The following DPY19L1 variants were observed in gnomAD, a reference collection of about 807,000 sequenced individuals.
The protein encoded by DPY19L1 is protein C-mannosyl-transferase DPY19L1.
In DPY19L1, 35 loss-of-function variants were observed where a neutral mutation model predicts 96.9. The ratio of observed to expected loss-of-function variants is 0.36; its 90% CI spans 0.28 to 0.48. The LOEUF (loss-of-function observed/expected upper bound fraction) is 0.48, where lower values mean the gene tolerates loss of function less well. DPY19L1 is among the 20% of genes least tolerant of loss of function. The pLI is 0.99. For missense variants in DPY19L1, 521 were observed against 777.9 expected (o/e 0.67, Z 3.93); for synonymous variants, 205 against 252.6 (o/e 0.81, Z 1.79).
Position 34,957,120 on chromosome 7 carries a change from C to T in DPY19L1, c.1179+864G>A, listed in dbSNP as rs566995463. ...CCTGCCAGCCGGGCATGGTGGCTCA[C>T]GCCTGTAATCCCAGCACTTTGGGAG... On this transcript the variant is annotated intron_variant, in intron 11 of 21. Coordinates refer to ENST00000638088, the MANE Select transcript of DPY19L1 (RefSeq NM_001366673.1). Among the ~76,000 whole-genome samples the T allele has an allele frequency of 9.9e-5, 15 of 151,072 alleles. No individual in the cohort carries two copies. In the South Asian group the frequency reaches 2.5e-3, roughly 25 times the overall value.
In DPY19L1 at chr7:34,929,474, A is replaced by G. The variant is rs1783705024; in HGVS notation, c.*2099T>C. ...GTTCCCAGCAAATGAAGCAGTTATAATAGTATTTTTAATGCTTTTTTCCTA... is the reference window on the plus strand; with the variant it reads ...GTTCCCAGCAAATGAAGCAGTTATAGTAGTATTTTTAATGCTTTTTTCCTA... On this transcript the variant is annotated 3_prime_UTR_variant, in exon 22 of 22. Transcript: ENST00000638088. 6.6e-6 allele frequency: 1 copy of G among 152,216 alleles called. No individual in the cohort carries two copies. The allele number at this position is 152,216 out of a possible 1,614,324, so 9.4% of individuals were successfully genotyped here. A position where few individuals can be genotyped will look rare whatever the true frequency, so the allele number is the denominator to read the frequency against.
At chr7:34,992,492 T>A (rs983854218) in intron 6 of DPY19L1, among the ~76,000 whole-genome samples, 12 of 152,036 alleles carry the variant, frequency 7.9e-5, no homozygotes, top group Admixed American at 3.9e-4. Flanking sequence ...TTTTTCCTGT[T>A]CAGTACAATG....
At position 35,037,260 on chromosome 7, in the gene DPY19L1, C is replaced by G. The variant is rs1786449271; in HGVS notation, c.135G>C (p.Leu45=). 1 of 301,848 alleles carries G rather than the reference C, an allele frequency of 3.3e-6. No individual in the cohort carries two copies. Among genetic ancestry groups the G allele is most frequent in the Admixed American group, 5.2e-5 (1 of 19,294 alleles). 18.7% of individuals were successfully genotyped at this position (301,848 alleles called of 1,614,324 possible). The change falls in exon 1 of 22, where the codon CTG becomes CTC. Residue 45 remains leucine (L), a synonymous_variant. Transcript: ENST00000638088. ...AGEPGPERAP[L]SPGRKGAAGR... is the part of the protein sequence containing the mutation. ...CCGCGGCGCCCTTGCGCCCCGGGGACAGGGGCGCGCGCTCGGGCCCCGGCT... is the reference window on the plus strand; with the variant it reads ...CCGCGGCGCCCTTGCGCCCCGGGGAGAGGGGCGCGCGCTCGGGCCCCGGCT...
At chr7:34,953,905 CAG>C (rs1784319809) in intron 13 of DPY19L1, among the ~76,000 whole-genome samples, 1 of 152,040 alleles carries the variant, frequency 6.6e-6, no homozygotes, top group Admixed American at 6.6e-5. Flanking sequence ...GGCTAGGAGA[CAG>C]GGGAGTAGAC....
At chr7:34,986,327 G>A (rs1468250405) in intron 7 of DPY19L1, among the ~76,000 whole-genome samples, 1 of 152,026 alleles carries the variant, frequency 6.6e-6, no homozygotes, top group Non-Finnish European at 1.5e-5. Flanking sequence ...CTAAGTTGGT[G>A]AGGGAATAGA....
rs1378297980 is a variant in DPY19L1, at chr7:34,966,988, A to G, written c.1015-17T>C. The G allele has an allele frequency of 6.7e-7, 1 of 1,499,360 alleles. No individual in the cohort carries two copies. The highest frequency in any genetic ancestry group is 1.3e-5 in the South Asian group (1 of 78,220). The allele number at this position is 1,499,360 out of a possible 1,614,324, so 92.9% of individuals were successfully genotyped here. A position where few individuals can be genotyped will look rare whatever the true frequency, so the allele number is the denominator to read the frequency against. Reference sequence around the variant, plus strand: ...TGATGCAATCTGAAATTTAAAAAGAAATTAGAAGTAAAAAAGATAAAATGA... The same window carrying G: ...TGATGCAATCTGAAATTTAAAAAGAGATTAGAAGTAAAAAAGATAAAATGA... On this transcript the variant is annotated splice_polypyrimidine_tract_variant and intron_variant, in intron 9 of 21. Coordinates refer to ENST00000638088, the MANE Select transcript of DPY19L1 (RefSeq NM_001366673.1).
At chr7:34,947,515 C>A in intron 15 of DPY19L1, 115 bp downstream of exon 15, 1 of 748,086 alleles carries the variant, frequency 1.3e-6, no homozygotes, top group Non-Finnish European at 2.2e-6. Context: ...GAATATGTTA[C>A]AGTAAGCCCA....
chr7:34,975,439 GAA>G (rs1232476785), intron 7 of DPY19L1, among the ~76,000 whole-genome samples: 1 of 152,206 alleles, frequency 6.6e-6, no homozygotes, highest in Non-Finnish European at 1.5e-5. Context: ...AGCTGCAGAA[GAA>G]AAGTTTGAAC....
intron 6 of DPY19L1, among the ~76,000 whole-genome samples, chr7:35,005,232 T>C (rs1214373241): frequency 6.6e-6 from 1 of 151,772 alleles, no homozygotes; most frequent in East Asian, 1.9e-4. Context: ...GGGAGAACGA[T>C]ACAAAGAAAT....
chr7:34,957,890 T>C (rs1784411374), intron 11 of DPY19L1, 94 bp downstream of exon 11: 1 of 764,458 alleles, frequency 1.3e-6, no homozygotes, highest in Non-Finnish European at 2.1e-6. Context: ...AGATGGTTCC[T>C]ACAGAAAACC....
chr7:34,954,537 A>G, intron 13 of DPY19L1, 161 bp downstream of exon 13: 1 of 436,186 alleles, frequency 2.3e-6, no homozygotes, highest in Non-Finnish European at 4.1e-6. Context: ...ACGAAAATCT[A>G]TATACAATTA....
chr7:34,962,092 C>T (rs553581716), intron 10 of DPY19L1, among the ~76,000 whole-genome samples: 1 of 152,176 alleles, frequency 6.6e-6, no homozygotes, highest in African/African-American at 2.4e-5. Context: ...TATCACTTTC[C>T]TTGGTATTTA....
chr7:35,017,537 T>G (rs1584258216), intron 3 of DPY19L1, among the ~76,000 whole-genome samples: 5 of 124,358 alleles, frequency 4.0e-5, no homozygotes, highest in Admixed American at 8.6e-5. Flanking sequence ...CCGGGCATGG[T>G]GGCAGGCACC....
At chr7:34,998,960 G>A (rs1356378318) in intron 6 of DPY19L1, among the ~76,000 whole-genome samples, 2 of 152,066 alleles carry the variant, frequency 1.3e-5, no homozygotes, top group African/African-American at 2.4e-5. Context: ...AATAAAATAA[G>A]GGAGAAAAAC....
rs1287197373 is a variant in DPY19L1 at position 35,037,256 on chromosome 7, G to C, written c.139C>G (p.Pro47Ala). ...CTGCCCGCGGCGCCCTTGCGCCCCGGGGACAGGGGCGCGCGCTCGGGCCCC... is the reference window on the plus strand; with the variant it reads ...CTGCCCGCGGCGCCCTTGCGCCCCGCGGACAGGGGCGCGCGCTCGGGCCCC... ...EPGPERAPLS[P>A]GRKGAAGRKG... is the part of the protein sequence containing the mutation. Residue 47 changes from proline (P) to alanine (A), a missense_variant, in exon 1 of 22, where the codon CCG (proline) becomes GCG (alanine). Pro to Ala is a conservative substitution (Grantham distance 27). Transcript: ENST00000638088. 1.0e-5 allele frequency: 3 copies of C among 293,728 alleles called. No homozygotes were observed. Among genetic ancestry groups the C allele is most frequent in the African/African-American group, 2.3e-5 (1 of 44,308 alleles). 18.2% of individuals were successfully genotyped at this position (293,728 alleles called of 1,614,324 possible).
At chr7:34,959,921 A>T (rs202113770) in intron 10 of DPY19L1, among the ~76,000 whole-genome samples, 432 of 13,918 alleles carry the variant, frequency 0.031, 7 homozygotes, top group African/African-American at 0.17. Context: ...ATATATATAT[A>T]TATTTATATA....
chr7:34,963,260 T>A (rs1784540682), intron 10 of DPY19L1, among the ~76,000 whole-genome samples: 1 of 151,454 alleles, frequency 6.6e-6, no homozygotes, highest in Non-Finnish European at 1.5e-5. Context: ...TAAAGATTTT[T>A]AATTAAGAAA....
At chr7:34,980,721 A>G (rs1784922474) in intron 7 of DPY19L1, among the ~76,000 whole-genome samples, 1 of 152,170 alleles carries the variant, frequency 6.6e-6, no homozygotes, top group Non-Finnish European at 1.5e-5. Flanking sequence ...GAAAATGCAA[A>G]CTAAACCCAT....
At chr7:35,013,442 CAT>C in intron 4 of DPY19L1, 124 bp downstream of exon 4, 5 of 677,762 alleles carry the variant, frequency 7.4e-6, no homozygotes, top group Non-Finnish European at 1.2e-5. Flanking sequence ...CCACAAGATA[CAT>C]ATTTTCTTTT....
Sources: gnomAD v4.1 joint callset for allele counts (sites outside exome capture counted in the v4.1 genomes callset) on GRCh38, gnomAD v4.1.1 for gene constraint, MANE v1.5 for transcripts, NCBI Gene and HGNC (gene_info 2026-07-23, HGNC 2026-07-21) for gene names.